Variants in RANGAP1 observed in about 807,000 individuals in gnomAD.
The protein encoded by RANGAP1 is Ran GTPase activating protein 1.
In RANGAP1, 38 loss-of-function variants were observed where a neutral mutation model predicts 63.5. The observed-to-expected ratio is 0.60, with a 90% CI of 0.46 to 0.78. The LOEUF (loss-of-function observed/expected upper bound fraction) is 0.78, where lower values mean the gene tolerates loss of function less well. RANGAP1 is among the 30% of genes least tolerant of loss of function. The pLI, the probability that RANGAP1 is intolerant of heterozygous loss-of-function variation, is 0.00. For synonymous variants in RANGAP1, 329 were observed against 310.5 expected, an observed-to-expected ratio of 1.06 and a Z score of -0.63; for missense variants, 630 against 740.3, an observed-to-expected ratio of 0.85 and a Z score of 1.73.
intron 3 of RANGAP1, among the ~76,000 whole-genome samples, chr22:41,268,401 GTCCACCAC>G (rs1462922687): frequency 6.6e-6 from 1 of 152,048 alleles, no homozygotes; most frequent in Non-Finnish European, 1.5e-5. Context: ...GATTACAGAC[GTCCACCAC>G]TATGCCTGGC....
At chr22:41,268,379 C>T (rs1003835150) in intron 3 of RANGAP1, among the ~76,000 whole-genome samples, 1 of 152,070 alleles carries the variant, frequency 6.6e-6, no homozygotes, top group African/African-American at 2.4e-5. Flanking sequence ...CCTAAGCCTC[C>T]GGAGTAGCTG....
At chr22:41,261,812 CT>C (rs2034185640) in intron 5 of RANGAP1, among the ~76,000 whole-genome samples, 1 of 152,204 alleles carries the variant, frequency 6.6e-6, no homozygotes, top group African/African-American at 2.4e-5. Flanking sequence ...TTTAGCTTCA[CT>C]TTCGAGACGG....
chr22:41,270,568 C>T (rs1209071658), intron 3 of RANGAP1, among the ~76,000 whole-genome samples: 1 of 152,232 alleles, frequency 6.6e-6, no homozygotes, highest in Non-Finnish European at 1.5e-5. Context: ...CCACCTCAAC[C>T]TCCCAAGTAG....
chr22:41,255,925 G>T, intron 10 of RANGAP1, 96 bp downstream of exon 10: 2 of 1,278,390 alleles, frequency 1.6e-6, no homozygotes, highest in Non-Finnish European at 2.2e-6. Context: ...CTGTACTTTA[G>T]CCTGGGGAAC....
intron 6 of RANGAP1, among the ~76,000 whole-genome samples, chr22:41,258,706 G>A (rs1271708213): frequency 6.6e-6 from 1 of 152,074 alleles, no homozygotes; most frequent in East Asian, 1.9e-4. Context: ...CCAGGCTGGA[G>A]TGTGATGGCA....
At chr22:41,249,912 T>A in intron 13 of RANGAP1, 95 bp from the exon 14 acceptor site, 1 of 1,086,706 alleles carries the variant, frequency 9.2e-7, no homozygotes. Flanking sequence ...AGACACAGGC[T>A]CGCCTGCCTC....
chr22:41,253,864 T>C (rs1025353745), intron 11 of RANGAP1, among the ~76,000 whole-genome samples: 7 of 152,038 alleles, frequency 4.6e-5, no homozygotes, highest in African/African-American at 1.7e-4. Context: ...TCCCAGCACT[T>C]TGGGAGGTCG....
At chr22:41,281,302 T>C (rs2035479242) in intron 1 of RANGAP1, 2 of 779,982 alleles carry the variant, frequency 2.6e-6, no homozygotes, top group African/African-American at 1.8e-5. Flanking sequence ...TCTTAGCCTA[T>C]AAGAAGCTAC....
intron 3 of RANGAP1, among the ~76,000 whole-genome samples, chr22:41,271,448 G>A (rs550088093): frequency 2.7e-5 from 4 of 149,422 alleles, no homozygotes; most frequent in South Asian, 2.1e-4. Context: ...TGTAATCCCA[G>A]CACTTTGGGA....
chr22:41,282,409 T>A (rs1427898755), intron 1 of RANGAP1: 1 of 152,190 alleles, frequency 6.6e-6, no homozygotes. Context: ...AAGCTCCGCC[T>A]CCAAGGTTCA....
At chr22:41,301,327 C>G in the RANGAP1 span, among the ~76,000 whole-genome samples, 11 of 152,188 alleles carry the variant, frequency 7.2e-5, no homozygotes, top group African/African-American at 2.6e-4. Context: ...AAAAGAAACC[C>G]CCCTAAAAGG....
chr22:41,274,034 C>A (rs557009530), intron 3 of RANGAP1, among the ~76,000 whole-genome samples: 5 of 152,224 alleles, frequency 3.3e-5, no homozygotes, highest in Admixed American at 3.3e-4. Context: ...GCTGAGATTG[C>A]GCCACTGAAC....
upstream of RANGAP1, among the ~76,000 whole-genome samples, chr22:41,287,412 T>C (rs2035779054): frequency 6.6e-6 from 1 of 151,038 alleles, no homozygotes; most frequent in African/African-American, 2.4e-5. Context: ...AGTTTCACTC[T>C]TGTTGCCCAT....
intron 4 of RANGAP1, among the ~76,000 whole-genome samples, chr22:41,266,888 C>CTTTTTTTTTTTTT (rs139523): frequency 7.3e-6 from 1 of 137,136 alleles, no homozygotes. Flanking sequence ...AATGAATTTC[C>CTTTTTTTTTTTTT]TTTTTTTTTT....
the RANGAP1 span, among the ~76,000 whole-genome samples, chr22:41,292,455 C>A: frequency 2.0e-5 from 3 of 151,578 alleles, no homozygotes; most frequent in Admixed American, 1.3e-4. Flanking sequence ...TGGCCTTCAT[C>A]TTCTCTTTTA....
intron 13 of RANGAP1, among the ~76,000 whole-genome samples, chr22:41,250,412 T>G (rs1477870690): frequency 6.6e-6 from 1 of 152,174 alleles, no homozygotes; most frequent in Non-Finnish European, 1.5e-5. Context: ...CTCAGGGCCC[T>G]TCCTCCCCTC....
At chr22:41,247,550 GA>G (rs1204057167) in intron 15 of RANGAP1, among the ~76,000 whole-genome samples, 1 of 152,022 alleles carries the variant, frequency 6.6e-6, no homozygotes, top group Non-Finnish European at 1.5e-5. Flanking sequence ...GGGGTTTCAC[GA>G]ATGTTGCCCA....
chr22:41,261,762 G>A (rs2034182522), intron 5 of RANGAP1, among the ~76,000 whole-genome samples, 182 bp from the exon 6 acceptor site: 1 of 151,938 alleles, frequency 6.6e-6, no homozygotes, highest in Non-Finnish European at 1.5e-5. Context: ...AGTTACACAA[G>A]GTTTTTATCT....
At chr22:41,255,436 A>G (rs139506) in intron 10 of RANGAP1, among the ~76,000 whole-genome samples, 65,415 of 151,712 alleles carry the variant, frequency 0.43, 14,642 homozygotes, top group Middle Eastern at 0.47. Flanking sequence ...ACCCACCTTC[A>G]CCTCCAGGTA....
Sources: allele counts gnomAD v4.1 joint callset (sites outside exome capture counted in the v4.1 genomes callset), GRCh38; gene constraint gnomAD v4.1.1; transcripts MANE v1.5; gene names NCBI Gene and HGNC (gene_info 2026-07-23, HGNC 2026-07-21).